Variants in RBFOX3 observed in about 807,000 individuals in gnomAD.
RBFOX3 encodes the protein RNA binding protein fox-1 homolog 3.
A neutral mutation model predicts 48.7 loss-of-function variants in RBFOX3; 17 were observed. That is an observed-to-expected ratio of 0.35 (90% CI 0.24 to 0.52). The LOEUF (loss-of-function observed/expected upper bound fraction) is 0.52. RBFOX3 is among the 20% of genes least tolerant of loss of function. The probability of loss-of-function intolerance (pLI) is 0.94; values close to 1 mark genes in which losing one functional copy is unlikely to be tolerated. For synonymous variants in RBFOX3, 212 were observed against 209.5 expected, an observed-to-expected ratio of 1.01 and a Z score of -0.10; for missense variants, 382 against 497.5, an observed-to-expected ratio of 0.77 and a Z score of 2.21.
chr17:79,375,733 C>T (rs2059148410), intron 2 of RBFOX3, among the ~76,000 whole-genome samples: 1 of 152,194 alleles, frequency 6.6e-6, no homozygotes, highest in South Asian at 2.1e-4. Flanking sequence ...TCACTGCCAG[C>T]ATGAAACCCC....
the RBFOX3 span, among the ~76,000 whole-genome samples, chr17:79,622,554 A>C: frequency 1.3e-5 from 2 of 152,208 alleles, no homozygotes; most frequent in Non-Finnish European, 2.9e-5. Flanking sequence ...CCAGACGTCC[A>C]AGATGGAGAT....
At chr17:79,430,824 C>T (rs782046982) in intron 2 of RBFOX3, among the ~76,000 whole-genome samples, 13 of 152,308 alleles carry the variant, frequency 8.5e-5, no homozygotes, top group African/African-American at 2.9e-4. Flanking sequence ...GGATTACAGG[C>T]GTGAGCCACC....
At chr17:79,410,453 T>C (rs1266367116) in intron 2 of RBFOX3, among the ~76,000 whole-genome samples, 1 of 151,638 alleles carries the variant, frequency 6.6e-6, no homozygotes, top group Non-Finnish European at 1.5e-5. Context: ...AGGGGGGCGG[T>C]CATTAAGGAC....
chr17:79,360,631 A>G (rs558542438), intron 2 of RBFOX3, among the ~76,000 whole-genome samples: 70 of 152,268 alleles, frequency 4.6e-4, no homozygotes, highest in African/African-American at 1.7e-3. Context: ...TATTACAAAA[A>G]TCAGACCATT....
intron 2 of RBFOX3, among the ~76,000 whole-genome samples, chr17:79,397,520 A>G (rs2076949): frequency 0.15 from 20,994 of 138,528 alleles, 1,468 homozygotes; most frequent in Middle Eastern, 0.22. Flanking sequence ...TGCGACCCCC[A>G]CCCCCAGAAG....
intron 2 of RBFOX3, among the ~76,000 whole-genome samples, chr17:79,408,644 C>T (rs1402350775): frequency 6.6e-6 from 1 of 152,184 alleles, no homozygotes; most frequent in African/African-American, 2.4e-5. Flanking sequence ...TTCTGAGAAG[C>T]AGAGTCTTAA....
At chr17:79,566,569 G>C (rs2092462224) in intron 1 of RBFOX3, among the ~76,000 whole-genome samples, 1 of 152,220 alleles carries the variant, frequency 6.6e-6, no homozygotes, top group Non-Finnish European at 1.5e-5. Context: ...GTCCTTCCAT[G>C]CTTTGAGGAA....
chr17:79,423,297 C>T lies in RBFOX3; in HGVS notation c.-175+59157G>A, dbSNP rs759358875. On this transcript the variant is annotated intron_variant, in intron 2 of 14. Transcript: ENST00000693108. The surrounding 1 kb of genome is among the most constrained non-coding windows in gnomAD (Gnocchi z 4.9). ...CTGGATTCCTTGACCGTCCTCGCCACGCCCCCATCGACCAGGATGCCAGGA... is the reference window on the plus strand; with the variant it reads ...CTGGATTCCTTGACCGTCCTCGCCATGCCCCCATCGACCAGGATGCCAGGA... Among the ~76,000 whole-genome samples, 68 of 152,296 alleles carry T rather than the reference C, an allele frequency of 4.5e-4. 3 individuals carry two copies. The highest frequency in any genetic ancestry group is 1.2e-4 in the African/African-American group (5 of 41,560).
chr17:79,103,645 C>G lies in RBFOX3; in HGVS notation c.415-391G>C, dbSNP rs2076850736. Reference sequence around the variant, plus strand: ...GGCTTCAGGACCTGCAGGGGCAGCCCACCCATCTCCACCCTCGGAGCCCAG... The same window carrying G: ...GGCTTCAGGACCTGCAGGGGCAGCCGACCCATCTCCACCCTCGGAGCCCAG... On this transcript the variant is annotated intron_variant, in intron 7 of 14. Transcript: ENST00000693108. The surrounding 1 kb of genome is among the most constrained non-coding windows in gnomAD (Gnocchi z 6.1). Among the ~76,000 whole-genome samples, 1 of 152,108 alleles carries G rather than the reference C, an allele frequency of 6.6e-6. No homozygotes were observed. The highest frequency in any genetic ancestry group is 2.1e-4 in the South Asian group (1 of 4,828).
intron 6 of RBFOX3, among the ~76,000 whole-genome samples, chr17:79,104,329 G>T (rs1007156726): frequency 6.6e-6 from 1 of 152,196 alleles, no homozygotes; most frequent in African/African-American, 2.4e-5. Context: ...AGGCGATGGT[G>T]GGGATAGGGT....
intron 1 of RBFOX3, among the ~76,000 whole-genome samples, chr17:79,500,613 C>T (rs963179257): frequency 1.3e-5 from 2 of 152,186 alleles, no homozygotes; most frequent in Admixed American, 1.3e-4. Context: ...TAATAGCTAA[C>T]TGGTATACCT....
At chr17:79,599,538 G>A (rs1179500236) in intron 1 of RBFOX3, 1 of 152,256 alleles carries the variant, frequency 6.6e-6, no homozygotes, top group Non-Finnish European at 1.5e-5. Flanking sequence ...CCCAAGGGCA[G>A]GCTGCCTTGA....
chr17:79,197,555 ATT>A (rs61699209), intron 4 of RBFOX3, among the ~76,000 whole-genome samples: 32,019 of 149,272 alleles, frequency 0.21, 3,856 homozygotes, highest in South Asian at 0.34. Flanking sequence ...CATCCTGCCA[ATT>A]TTTTTTTTTG....
intron 3 of RBFOX3, among the ~76,000 whole-genome samples, chr17:79,290,652 C>T (rs920890302): frequency 2.0e-5 from 3 of 151,974 alleles, no homozygotes; most frequent in South Asian, 2.1e-4. Context: ...AGGTCAGGCC[C>T]GAGGGAAATA....
intron 2 of RBFOX3, among the ~76,000 whole-genome samples, chr17:79,334,539 C>A (rs765057588): frequency 6.6e-6 from 1 of 152,252 alleles, no homozygotes; most frequent in South Asian, 2.1e-4. Flanking sequence ...GCTTCTTAAC[C>A]CTTCGGGGCC....
At chr17:79,510,345 G>A (rs1318538963) in intron 1 of RBFOX3, among the ~76,000 whole-genome samples, 3 of 152,244 alleles carry the variant, frequency 2.0e-5, no homozygotes, top group South Asian at 2.1e-4. Context: ...CGCACCCACC[G>A]CCAGGTCTGA....
chr17:79,155,802 C>T (rs1048688594), intron 4 of RBFOX3, among the ~76,000 whole-genome samples: 3 of 152,178 alleles, frequency 2.0e-5, no homozygotes, highest in African/African-American at 7.2e-5. Context: ...CACCCCTGCA[C>T]CCCCAGGTTG....
chr17:79,523,221 G>T (rs1335516289), intron 1 of RBFOX3, among the ~76,000 whole-genome samples: 1 of 152,116 alleles, frequency 6.6e-6, no homozygotes, highest in Non-Finnish European at 1.5e-5. Flanking sequence ...GAGATGGGTG[G>T]TTGGTGGTGA....
chr17:79,476,045 G>A (rs1189055492), intron 2 of RBFOX3, among the ~76,000 whole-genome samples: 1 of 152,218 alleles, frequency 6.6e-6, no homozygotes, highest in Non-Finnish European at 1.5e-5. Context: ...TGACTGTCCT[G>A]GGGGCTGCAC....
Sources: allele counts gnomAD v4.1 joint callset (sites outside exome capture counted in the v4.1 genomes callset), GRCh38; gene constraint gnomAD v4.1.1; non-coding constraint Gnocchi (gnomAD v3.1); transcripts MANE v1.5; gene names NCBI Gene and HGNC (gene_info 2026-07-23, HGNC 2026-07-21).